Variants in SPOCK1 observed in about 807,000 individuals in gnomAD.
The protein encoded by SPOCK1 is testican-1.
In SPOCK1, 23 loss-of-function variants were observed where a neutral mutation model predicts 55.3. The observed-to-expected ratio is 0.42, with a 90% CI of 0.30 to 0.59. SPOCK1 has a LOEUF of 0.59. SPOCK1 is among the 20% of genes least tolerant of loss of function. SPOCK1 has a pLI of 0.22. For synonymous variants in SPOCK1, 226 were observed against 221.0 expected (o/e 1.02, Z -0.20); for missense variants, 499 against 552.5 (o/e 0.90, Z 0.97).
At chr5:137,334,210 C>T (rs1268512785) in intron 2 of SPOCK1, among the ~76,000 whole-genome samples, 1 of 152,190 alleles carries the variant, frequency 6.6e-6, no homozygotes, top group Non-Finnish European at 1.5e-5. Flanking sequence ...ACTTGAACTC[C>T]AGCTGACAAA....
intron 2 of SPOCK1, among the ~76,000 whole-genome samples, chr5:137,290,881 C>G (rs941325510): frequency 6.6e-6 from 1 of 152,162 alleles, no homozygotes; most frequent in African/African-American, 2.4e-5. Context: ...CAAGGGAAGC[C>G]TAGTACTGGC....
chr5:137,239,740 C>A (rs1182288618), intron 3 of SPOCK1, among the ~76,000 whole-genome samples: 2 of 151,888 alleles, frequency 1.3e-5, no homozygotes, highest in Non-Finnish European at 2.9e-5. Flanking sequence ...TTCCCTTTAA[C>A]AGACAAGAAA....
chr5:137,122,257 G>GCACA (rs374324093), intron 4 of SPOCK1, among the ~76,000 whole-genome samples: 18,371 of 145,856 alleles, frequency 0.13, 1,279 homozygotes, highest in East Asian at 0.22. Flanking sequence ...ACACACACAC[G>GCACA]CACACACACA....
intron 2 of SPOCK1, among the ~76,000 whole-genome samples, chr5:137,354,488 A>T (rs1031126445): frequency 2.0e-5 from 3 of 152,054 alleles, no homozygotes; most frequent in African/African-American, 7.2e-5. Context: ...CGTCACCTGC[A>T]TACTCGACTT....
Position 137,328,034 on chromosome 5 carries a change from C to A in SPOCK1, c.187-60979G>T, listed in dbSNP as rs191144732. ...GTGAAGCCATTTAAGGTGGAAACAG[C>A]AGCAGCTCATCACAGCCTTTGCTGC... On this transcript the variant is annotated intron_variant, in intron 2 of 10. Coordinates refer to ENST00000394945, the MANE Select transcript of SPOCK1 (RefSeq NM_004598.4). 4.9e-3 allele frequency among the ~76,000 whole-genome samples: 750 copies of A among 152,372 alleles called. 10 individuals are homozygous for A. Among genetic ancestry groups the A allele is most frequent in the Middle Eastern group, 0.017 (5 of 294 alleles).
At chr5:137,311,643 G>C (rs1344825101) in intron 2 of SPOCK1, among the ~76,000 whole-genome samples, 1 of 151,940 alleles carries the variant, frequency 6.6e-6, no homozygotes, top group Non-Finnish European at 1.5e-5. Flanking sequence ...CACTTTTATT[G>C]ACTTTTCTCC....
intron 8 of SPOCK1, among the ~76,000 whole-genome samples, chr5:136,987,979 T>A (rs868059824): frequency 6.6e-6 from 1 of 152,374 alleles, no homozygotes; most frequent in Middle Eastern, 3.4e-3. Flanking sequence ...AACCAAAATA[T>A]TCTTGTCTAG....
intron 3 of SPOCK1, among the ~76,000 whole-genome samples, chr5:137,197,678 T>C (rs1206134620): frequency 6.6e-6 from 1 of 152,210 alleles, no homozygotes; most frequent in Non-Finnish European, 1.5e-5. Context: ...TACATTTTAA[T>C]TGAGACGTAA....
chr5:137,112,269 T>C (rs987899448), intron 5 of SPOCK1, among the ~76,000 whole-genome samples, 166 bp downstream of exon 5: 2 of 152,234 alleles, frequency 1.3e-5, no homozygotes, highest in African/African-American at 2.4e-5. Flanking sequence ...TTATTTTGCT[T>C]GTCTCCATGG....
chr5:137,164,960 C>T (rs998778973), intron 3 of SPOCK1, among the ~76,000 whole-genome samples: 1 of 152,234 alleles, frequency 6.6e-6, no homozygotes. Flanking sequence ...TCCCAGATGG[C>T]ACCTCTGGAC....
At chr5:137,277,454 C>G (rs150612301) in intron 2 of SPOCK1, among the ~76,000 whole-genome samples, 1 of 152,290 alleles carries the variant, frequency 6.6e-6, no homozygotes, top group East Asian at 1.9e-4. Context: ...GAAGATCATG[C>G]TGTAACCACT....
chr5:137,210,916 C>A (rs751301443), intron 3 of SPOCK1, among the ~76,000 whole-genome samples: 9 of 152,206 alleles, frequency 5.9e-5, no homozygotes, highest in Admixed American at 2.6e-4. Context: ...TTCATTCCCC[C>A]AGTACTCTGT....
intron 2 of SPOCK1, among the ~76,000 whole-genome samples, chr5:137,386,515 A>G (rs977803648): frequency 1.3e-5 from 2 of 152,230 alleles, no homozygotes; most frequent in Admixed American, 6.5e-5. Flanking sequence ...CTAGAAATAG[A>G]CCCACATAGA....
intron 3 of SPOCK1, among the ~76,000 whole-genome samples, chr5:137,247,884 A>G (rs1756426821): frequency 6.6e-6 from 1 of 152,212 alleles, no homozygotes; most frequent in East Asian, 1.9e-4. Context: ...CTACCTGGGT[A>G]AAAGCACCAA....
intron 3 of SPOCK1, among the ~76,000 whole-genome samples, chr5:137,182,248 A>G (rs900032719): frequency 1.3e-5 from 2 of 152,196 alleles, no homozygotes; most frequent in African/African-American, 4.8e-5. Context: ...TAATGTCCAG[A>G]TAATAAATGA....
chr5:137,418,684 G>C (rs1752410464), intron 2 of SPOCK1, among the ~76,000 whole-genome samples: 1 of 152,012 alleles, frequency 6.6e-6, no homozygotes, highest in African/African-American at 2.4e-5. Context: ...TGAGTTCTTT[G>C]TAGATTCTGG....
At chr5:137,205,623 G>A (rs972402503) in intron 3 of SPOCK1, among the ~76,000 whole-genome samples, 11 of 152,174 alleles carry the variant, frequency 7.2e-5, no homozygotes, top group East Asian at 3.9e-4. Flanking sequence ...CTGTGACCTC[G>A]GATCCTGAAA....
Position 137,063,380 on chromosome 5 carries a change from C to A in SPOCK1, c.589+4335G>T, listed in dbSNP as rs865962764. On this transcript the variant is annotated intron_variant, in intron 6 of 10. Coordinates refer to ENST00000394945, the MANE Select transcript of SPOCK1 (RefSeq NM_004598.4). Reference sequence around the variant, plus strand: ...AGATAAACAAAGAGAACAACAACAACAAAAAAATCTTGGCTTTGACTTCTG... The same window carrying A: ...AGATAAACAAAGAGAACAACAACAAAAAAAAAATCTTGGCTTTGACTTCTG... Among the ~76,000 whole-genome samples, 189 of 140,636 alleles carry A rather than the reference C, an allele frequency of 1.3e-3. 1 individual carries two copies. The Middle Eastern group carries it at 0.015, about 11-fold the overall frequency. The allele number at this position is 140,636 out of a possible 152,430, so 92.3% of individuals were successfully genotyped here. A position where few individuals can be genotyped will look rare whatever the true frequency, so the allele number is the denominator to read the frequency against.
chr5:137,222,797 C>T (rs1230200334), intron 3 of SPOCK1, among the ~76,000 whole-genome samples: 2 of 152,158 alleles, frequency 1.3e-5, no homozygotes, highest in Non-Finnish European at 2.9e-5. Context: ...TGTGCTTTCT[C>T]AAAGGGGGCC....
Sources: allele counts gnomAD v4.1 joint callset (sites outside exome capture counted in the v4.1 genomes callset), GRCh38; gene constraint gnomAD v4.1.1; transcripts MANE v1.5; gene names NCBI Gene and HGNC (gene_info 2026-07-23, HGNC 2026-07-21).